The following TATDN3 variants were observed in gnomAD, a reference collection of about 807,000 sequenced individuals.
TATDN3 encodes the protein TatD DNase domain containing 3, also known as deoxyribonuclease TATDN3.
In TATDN3, 29 loss-of-function variants were observed where a neutral mutation model predicts 40.1. That is an observed-to-expected ratio of 0.72 (90% confidence interval 0.54 to 0.99). The LOEUF is 0.99. TATDN3 is among the 50% of genes least tolerant of loss of function. TATDN3 has a pLI of 0.00. For synonymous variants in TATDN3, 105 were observed against 117.0 expected (o/e 0.90, Z 0.66); for missense variants, 309 against 321.9 (o/e 0.96, Z 0.31).
chr1:212,794,539 C>T (rs1225238666), intron 1 of TATDN3: 3 of 312,164 alleles, frequency 9.6e-6, no homozygotes, highest in Admixed American at 7.8e-5. Flanking sequence ...GGCAATGAGC[C>T]GAGATCGCAC....
intron 6 of TATDN3, 40 bp from the exon 7 acceptor site, chr1:212,804,556 C>T (rs1222374163): frequency 1.3e-6 from 2 of 1,596,392 alleles, no homozygotes; most frequent in East Asian, 2.2e-5. Context: ...ACAATACTTT[C>T]AGAATGGTAC....
chr1:212,801,327 A>G (rs867044920), intron 4 of TATDN3, among the ~76,000 whole-genome samples: 2 of 152,114 alleles, frequency 1.3e-5, no homozygotes, highest in Non-Finnish European at 1.5e-5. Context: ...GTTTACATCT[A>G]CTAAAATAAA....
Position 212,816,346 on chromosome 1 carries a change from T to G in TATDN3, c.*1190T>G, listed in dbSNP as rs184984979. 6.6e-6 allele frequency: 1 copy of G among 152,086 alleles called. No homozygotes were observed. Among genetic ancestry groups the G allele is most frequent in the African/African-American group, 2.4e-5 (1 of 41,410 alleles). The allele number at this position is 152,086 out of a possible 1,614,324, so 9.4% of individuals were successfully genotyped here. A position where few individuals can be genotyped will look rare whatever the true frequency, so the allele number is the denominator to read the frequency against. The stretch of plus-strand genomic sequence containing the variant: ...TAAATAAATAAAAATCTCAAAAAAA[T>G]TAAAAATCTCAAGTGTAAAAACAGT... On this transcript the variant is annotated 3_prime_UTR_variant, in exon 10 of 10. Coordinates refer to ENST00000366974, the MANE Select transcript of TATDN3 (RefSeq NM_001042552.3).
rs978326430 is a variant in TATDN3, at chr1:212,816,636, A to G, written c.*1480A>G. ...TCCTAAATCAAAGTGATTTTATGAA[A>G]TGATCTTCAATAAATATTTTGAAAT... On this transcript the variant is annotated 3_prime_UTR_variant, in exon 10 of 10. Transcript: ENST00000366974. 6.6e-6 allele frequency: 1 copy of G among 152,246 alleles called. No individual in the cohort carries two copies. The highest frequency in any genetic ancestry group is 1.5e-5 in the Non-Finnish European group (1 of 68,038). 9.4% of individuals were successfully genotyped at this position (152,246 alleles called of 1,614,324 possible). A position where few individuals can be genotyped will look rare whatever the true frequency, so the allele number is the denominator to read the frequency against.
Position 212,813,347 on chromosome 1 carries a change from T to C in TATDN3, c.681+1019T>C, listed in dbSNP as rs567761570. Among the ~76,000 whole-genome samples, 3 of 152,294 alleles carry C rather than the reference T, an allele frequency of 2.0e-5. No individual in the cohort carries two copies. The South Asian group carries it at 6.2e-4, about 32-fold the overall frequency. On this transcript the variant is annotated intron_variant, in intron 9 of 9. Transcript: ENST00000366974. ...TTGCTTTAGGCAGTACCTATTACAATGACCTCCCAATGTGCAGTTTAATAA... is the reference window on the plus strand; with the variant it reads ...TTGCTTTAGGCAGTACCTATTACAACGACCTCCCAATGTGCAGTTTAATAA...
rs1661842951 is a variant in TATDN3, at chr1:212,797,276, A to C, written c.258+80A>C. 3 of 1,011,136 alleles carry C rather than the reference A, an allele frequency of 3.0e-6. No individual in the cohort carries two copies. The Middle Eastern group carries it at 6.2e-4, about 210-fold the overall frequency. 62.6% of individuals were successfully genotyped at this position (1,011,136 alleles called of 1,614,324 possible). On this transcript the variant is annotated intron_variant, in intron 4 of 9. Transcript: ENST00000366974. ...TGACTCAGTAATCCTCCTCTTTCTA[A>C]TTTATATTCTCAGGAAATAATCCAA...
intron 8 of TATDN3, among the ~76,000 whole-genome samples, chr1:212,810,451 G>T (rs1662800350): frequency 1.4e-5 from 2 of 142,874 alleles, no homozygotes; most frequent in South Asian, 4.5e-4. Context: ...GGCGGAGCTT[G>T]CAGTGAGCCG....
rs1414618037 is a variant in TATDN3 at position 212,816,011 on chromosome 1, T to A, written c.*855T>A. The A allele has an allele frequency of 6.6e-6, 1 of 152,224 alleles. No homozygotes were observed. The highest frequency in any genetic ancestry group is 1.5e-5 in the Non-Finnish European group (1 of 68,042). The allele number at this position is 152,224 out of a possible 1,614,324, so 9.4% of individuals were successfully genotyped here. ...ACACTGATCTTAGATTTTTGACTTA[T>A]GAGGCCAGTGGTTTAAACAATCATT... On this transcript the variant is annotated 3_prime_UTR_variant, in exon 10 of 10. Transcript: ENST00000366974.
chr1:212,805,521 G>GAT (rs1443559218), intron 7 of TATDN3, among the ~76,000 whole-genome samples: 1 of 152,178 alleles, frequency 6.6e-6, no homozygotes, highest in Non-Finnish European at 1.5e-5. Context: ...CTCCCAAAGT[G>GAT]CTGGGATTAC....
chr1:212,810,511 C>CAAAAAAAAAA (rs55912631), intron 8 of TATDN3, among the ~76,000 whole-genome samples: 1 of 49,724 alleles, frequency 2.0e-5, no homozygotes, highest in Non-Finnish European at 3.5e-5. Context: ...GACTCTGTCT[C>CAAAAAAAAAA]AAAAAAAAAA....
At chr1:212,796,982 TG>T in intron 3 of TATDN3, 129 bp from the exon 4 acceptor site, 2 of 664,456 alleles carry the variant, frequency 3.0e-6, no homozygotes, top group Non-Finnish European at 5.3e-6. Context: ...GTGATCCACC[TG>T]GTTCAGCCTC....
At chr1:212,802,992 A>G (rs1297430582) in intron 5 of TATDN3, among the ~76,000 whole-genome samples, 1 of 152,078 alleles carries the variant, frequency 6.6e-6, no homozygotes. Context: ...AAATAATAGC[A>G]TTTCTAAATA....
At chr1:212,814,878 C>T in intron 9 of TATDN3, 135 bp from the exon 10 acceptor site, 1 of 959,360 alleles carries the variant, frequency 1.0e-6, no homozygotes, top group Non-Finnish European at 1.5e-6. Flanking sequence ...AGCCCTCATC[C>T]CCACCTAAAA....
chr1:212,802,650 A>T lies in TATDN3; in HGVS notation c.259-51A>T, dbSNP rs770978650. On this transcript the variant is annotated intron_variant, in intron 4 of 9. Coordinates refer to ENST00000366974, the MANE Select transcript of TATDN3 (RefSeq NM_001042552.3). Reference sequence around the variant, plus strand: ...ACCTAGCACATAATAGGAGCTTGTGAAATAGCAGTTCCTTTCTTCCATTTT... The same window carrying T: ...ACCTAGCACATAATAGGAGCTTGTGTAATAGCAGTTCCTTTCTTCCATTTT... 61 of 1,251,938 alleles carry T rather than the reference A, an allele frequency of 4.9e-5. 2 individuals carry two copies. Among genetic ancestry groups the T allele is most frequent in the South Asian group, 1.6e-4 (13 of 83,650 alleles). The allele number at this position is 1,251,938 out of a possible 1,614,324, so 77.6% of individuals were successfully genotyped here. A position where few individuals can be genotyped will look rare whatever the true frequency, so the allele number is the denominator to read the frequency against.
rs769823947 is a variant in TATDN3, at chr1:212,797,104, A to C, written c.174-8A>C. 1 of 1,612,944 alleles carries C rather than the reference A, an allele frequency of 6.2e-7. No homozygotes were observed. Among genetic ancestry groups the C allele is most frequent in the Non-Finnish European group, 8.5e-7 (1 of 1,178,950 alleles). ...TTCCTGCTTTCTCAGTTGGTTCTAC[A>C]TTTTTAGGTATAATGGGTTTGTCCT... On this transcript the variant is annotated splice_region_variant and splice_polypyrimidine_tract_variant and intron_variant, in intron 3 of 9. Transcript: ENST00000366974.
intron 8 of TATDN3, among the ~76,000 whole-genome samples, chr1:212,811,602 G>A (rs1346105355): frequency 4.0e-5 from 6 of 151,472 alleles, no homozygotes; most frequent in African/African-American, 7.3e-5. Flanking sequence ...TTTTTGAGGC[G>A]GAGTCTCGCT....
intron 2 of TATDN3, among the ~76,000 whole-genome samples, chr1:212,796,153 G>A (rs963635396): frequency 6.6e-6 from 1 of 152,182 alleles, no homozygotes; most frequent in Admixed American, 6.5e-5. Context: ...AGCCAGAAAT[G>A]GTTGTAGTGC....
At chr1:212,801,513 A>T (rs938043244) in intron 4 of TATDN3, among the ~76,000 whole-genome samples, 3 of 152,196 alleles carry the variant, frequency 2.0e-5, no homozygotes, top group African/African-American at 7.2e-5. Context: ...TAGGTAATAC[A>T]TATTCCAAGA....
chr1:212,811,396 G>A (rs951397098), intron 8 of TATDN3, among the ~76,000 whole-genome samples: 1 of 152,002 alleles, frequency 6.6e-6, no homozygotes, highest in Non-Finnish European at 1.5e-5. Context: ...GCCTCCCAAA[G>A]TGCTGGACAG....
Sources: gnomAD v4.1 joint callset for allele counts (sites outside exome capture counted in the v4.1 genomes callset) on GRCh38, gnomAD v4.1.1 for gene constraint, MANE v1.5 for transcripts, NCBI Gene and HGNC (gene_info 2026-07-23, HGNC 2026-07-21) for gene names.